The following PCDH11X variants were observed in gnomAD, a reference collection of about 807,000 sequenced individuals.
The protein encoded by PCDH11X is protocadherin-11 X-linked.
A neutral mutation model predicts 53.3 loss-of-function variants in PCDH11X; 18 were observed. That is an observed-to-expected ratio of 0.34 (90% CI 0.23 to 0.50). PCDH11X has a LOEUF of 0.50. PCDH11X is among the 20% of genes least tolerant of loss of function. PCDH11X has a pLI of 0.98. For synonymous variants in PCDH11X, 279 were observed against 393.3 expected (o/e 0.71, Z 3.44); for missense variants, 570 against 1,032.4 (o/e 0.55, Z 6.14).
intron 6 of PCDH11X, among the ~76,000 whole-genome samples, chrX:91,948,912 A>C (rs761233293): frequency 9.0e-6 from 1 of 111,086 alleles, no homozygotes; most frequent in South Asian, 3.8e-4. Flanking sequence ...AAGGACAGAC[A>C]CCAAGGATGG....
rs761868088 is a variant in PCDH11X at position 92,201,450 on chromosome X, C to T, written c.3109C>T (p.Pro1037Ser). ...TTMEIWIHPQPQRKSEGKVAG... is the reference protein window; with the variant it reads ...TTMEIWIHPQSQRKSEGKVAG... ...TATGGAGATCTGGATTCATCCCCAA[C>T]CACAGGTATGGCAAAAGCCCTATGA... Residue 1037 changes from proline (P) to serine (S), a missense_variant, in exon 7 of 11, where the codon CCA becomes TCA. Transcript: ENST00000682573. The T allele has an allele frequency of 8.5e-7, 1 of 1,174,393 alleles. No homozygotes were observed. The highest frequency in any genetic ancestry group is 1.9e-5 in the South Asian group (1 of 53,734).
chrX:92,440,060 T>A (rs1232736470), intron 9 of PCDH11X, among the ~76,000 whole-genome samples: 1 of 96,174 alleles, frequency 1.0e-5, no homozygotes, highest in Non-Finnish European at 2.1e-5. Flanking sequence ...TATTCTCCAG[T>A]GTCAGCCTTG....
At chrX:92,106,493 A>C (rs1168661516) in intron 6 of PCDH11X, among the ~76,000 whole-genome samples, 1 of 111,494 alleles carries the variant, frequency 9.0e-6, no homozygotes, top group African/African-American at 3.3e-5. Context: ...CACAGTATAT[A>C]TTTTTATCAA....
At chrX:92,254,188 G>A (rs2067516543) in intron 7 of PCDH11X, among the ~76,000 whole-genome samples, 1 of 112,003 alleles carries the variant, frequency 8.9e-6, no homozygotes, top group Non-Finnish European at 1.9e-5. Flanking sequence ...TGATCATATG[G>A]TTTTTGTCTA....
chrX:91,821,764 G>A (rs1315368269), intron 4 of PCDH11X, among the ~76,000 whole-genome samples: 1 of 102,584 alleles, frequency 9.7e-6, no homozygotes, highest in East Asian at 2.9e-4. Context: ...TTTTCAAAGG[G>A]AATGCTTCCA....
intron 8 of PCDH11X, among the ~76,000 whole-genome samples, chrX:92,344,781 A>C (rs2069849469): frequency 9.2e-6 from 1 of 108,492 alleles, no homozygotes; most frequent in African/African-American, 3.3e-5. Flanking sequence ...GGTGAATAAG[A>C]AATAAAGAAA....
intron 10 of PCDH11X, among the ~76,000 whole-genome samples, chrX:92,580,845 C>T (rs1454684543): frequency 1.8e-5 from 2 of 111,163 alleles, no homozygotes; most frequent in Admixed American, 1.9e-4. Context: ...TCACTCACTG[C>T]CTCTCTTGGG....
rs2069241368 is a variant in PCDH11X at position 92,322,612 on chromosome X, C to T, written c.3144+59469C>T. On this transcript the variant is annotated intron_variant, in intron 8 of 10. Transcript: ENST00000682573. ...TGACATATTTTATAAACAGATAACT[C>T]TACAAATATTTCTTGACAAAGATGA... Among the ~76,000 whole-genome samples the T allele has an allele frequency of 2.7e-5, 3 of 111,409 alleles. No homozygotes were observed. The Admixed American group carries it at 2.9e-4, about 11-fold the overall frequency.
intron 8 of PCDH11X, among the ~76,000 whole-genome samples, chrX:92,326,659 G>A (rs1165307102): frequency 1.7e-5 from 1 of 57,933 alleles, no homozygotes; most frequent in Non-Finnish European, 2.7e-5. Flanking sequence ...GAGAGAGAGA[G>A]AGAGAAAGAG....
intron 8 of PCDH11X, among the ~76,000 whole-genome samples, chrX:92,350,001 CTG>C (rs1310997075): frequency 9.1e-6 from 1 of 110,494 alleles, no homozygotes; most frequent in Non-Finnish European, 1.9e-5. Context: ...CTAGAAGCAT[CTG>C]TACTCTTTCC....
intron 6 of PCDH11X, among the ~76,000 whole-genome samples, chrX:91,969,803 A>AAG (rs2061923632): frequency 9.3e-6 from 1 of 108,090 alleles, no homozygotes; most frequent in African/African-American, 3.4e-5. Flanking sequence ...CTCAAAAAAA[A>AAG]AAAAAAAGGA....
At chrX:91,983,533 C>A in intron 6 of PCDH11X, 1 of 496,697 alleles carries the variant, frequency 2.0e-6, no homozygotes, top group Non-Finnish European at 3.6e-6. Flanking sequence ...TGGCAGTGGG[C>A]TAGGAGGCGG....
chrX:91,879,524 T>C lies in PCDH11X; in HGVS notation c.3033+251T>C, dbSNP rs1056814993. 3 of 1,076,407 alleles carry C rather than the reference T, an allele frequency of 2.8e-6. No homozygotes were observed. In the African/African-American group the frequency reaches 5.8e-5, roughly 21 times the overall value. The allele number at this position is 1,076,407 out of a possible 1,213,427, so 88.7% of individuals were successfully genotyped here. A position where few individuals can be genotyped will look rare whatever the true frequency, so the allele number is the denominator to read the frequency against. The stretch of plus-strand genomic sequence containing the variant: ...GCAATTTTGTCTGTAGATGGCAGTA[T>C]GACAATTCTTGCTAGAGAATATATT... On this transcript the variant is annotated intron_variant, in intron 6 of 10. Coordinates refer to ENST00000682573, the MANE Select transcript of PCDH11X (RefSeq NM_032968.5).
chrX:92,596,216 G>A (rs996362258), intron 10 of PCDH11X, among the ~76,000 whole-genome samples: 32 of 112,303 alleles, frequency 2.8e-4, no homozygotes, highest in Non-Finnish European at 5.3e-4. Flanking sequence ...CAGTGAGTAC[G>A]CGCAGATGGC....
chrX:92,464,964 G>A (rs1279142993), intron 9 of PCDH11X, among the ~76,000 whole-genome samples: 2 of 111,183 alleles, frequency 1.8e-5, no homozygotes, highest in East Asian at 5.7e-4. Flanking sequence ...AAGAAAATGA[G>A]AAACTTGTTC....
chrX:92,013,351 A>G (rs1360768130), intron 6 of PCDH11X, among the ~76,000 whole-genome samples: 2 of 111,602 alleles, frequency 1.8e-5, no homozygotes, highest in African/African-American at 6.5e-5. Flanking sequence ...CTTCGAAGAG[A>G]ACTACAAACC....
chrX:92,278,599 G>A lies in PCDH11X; in HGVS notation c.3144+15456G>A, dbSNP rs1218557316. Among the ~76,000 whole-genome samples the A allele has an allele frequency of 1.0e-4, 11 of 110,486 alleles. No homozygotes were observed. In the South Asian group the frequency reaches 1.6e-3, roughly 16 times the overall value. ...CTCAGTGGGGGAGCTTCTGAGCCTGGAGAAGGAAATTCACAGGGTTAATCA... is the reference window on the plus strand; with the variant it reads ...CTCAGTGGGGGAGCTTCTGAGCCTGAAGAAGGAAATTCACAGGGTTAATCA... On this transcript the variant is annotated intron_variant, in intron 8 of 10. Coordinates refer to ENST00000682573, the MANE Select transcript of PCDH11X (RefSeq NM_032968.5).
intron 10 of PCDH11X, among the ~76,000 whole-genome samples, chrX:92,568,075 T>TGA (rs767086033): frequency 9.3e-6 from 1 of 107,986 alleles, no homozygotes; most frequent in South Asian, 4.1e-4. Flanking sequence ...TGCACAGAGA[T>TGA]GATGGTATTT....
rs925459328 is a variant in PCDH11X at position 92,172,871 on chromosome X, T to C, written c.3034-28504T>C. Among the ~76,000 whole-genome samples the C allele has an allele frequency of 4.5e-5, 5 of 111,926 alleles. No individual in the cohort carries two copies. The Admixed American group carries it at 4.8e-4, about 11-fold the overall frequency. On this transcript the variant is annotated intron_variant, in intron 6 of 10. Coordinates refer to ENST00000682573, the MANE Select transcript of PCDH11X (RefSeq NM_032968.5). ...ACAGTCACTGGACACTGTATAATTA[T>C]TCCTATAGTACTTAAGGTGTAGTAC...
Sources: gnomAD v4.1 joint callset for allele counts (sites outside exome capture counted in the v4.1 genomes callset) on GRCh38, gnomAD v4.1.1 for gene constraint, MANE v1.5 for transcripts, NCBI Gene and HGNC (gene_info 2026-07-23, HGNC 2026-07-21) for gene names.